MINDY3: variants seen among roughly 807,000 people sequenced by gnomAD.
The protein encoded by MINDY3 is MINDY lysine 48 deubiquitinase 3, also known as ubiquitin carboxyl-terminal hydrolase MINDY-3.
In MINDY3, 38 loss-of-function variants were observed where a neutral mutation model predicts 69.2. The ratio of observed to expected loss-of-function variants is 0.55; its 90% CI spans 0.42 to 0.72. The LOEUF is 0.72. MINDY3 is among the 30% of genes least tolerant of loss of function. The pLI is 0.00. For missense variants in MINDY3, 522 were observed against 519.0 expected, an observed-to-expected ratio of 1.01 and a Z score of -0.06; for synonymous variants, 192 against 180.1, an observed-to-expected ratio of 1.07 and a Z score of -0.53.
chr10:15,858,215 C>A (rs1308349993), intron 1 of MINDY3, among the ~76,000 whole-genome samples: 1 of 152,108 alleles, frequency 6.6e-6, no homozygotes, highest in Non-Finnish European at 1.5e-5. Context: ...TGAAGAGCTA[C>A]ATATCCAAAA....
chr10:15,787,330 A>G (rs1837048123), intron 12 of MINDY3, among the ~76,000 whole-genome samples: 1 of 152,156 alleles, frequency 6.6e-6, no homozygotes, highest in South Asian at 2.1e-4. Flanking sequence ...AAGGAAGAAG[A>G]AGGCAGAAGA....
At chr10:15,814,145 A>C (rs1839198448) in intron 10 of MINDY3, among the ~76,000 whole-genome samples, 1 of 152,282 alleles carries the variant, frequency 6.6e-6, no homozygotes, top group South Asian at 2.1e-4. Flanking sequence ...TATGAACATC[A>C]GTTTATATTT....
chr10:15,854,905 C>T (rs550042104), intron 1 of MINDY3, among the ~76,000 whole-genome samples: 2 of 152,162 alleles, frequency 1.3e-5, no homozygotes, highest in Admixed American at 1.3e-4. Flanking sequence ...AACCTAGGAA[C>T]AAGAGATGAA....
intron 2 of MINDY3, among the ~76,000 whole-genome samples, chr10:15,846,066 A>ACCTG (rs1564525870): frequency 7.0e-6 from 1 of 142,804 alleles, no homozygotes; most frequent in Non-Finnish European, 1.5e-5. Flanking sequence ...CAGGTGATCT[A>ACCTG]CCTGCCTCGG....
intron 5 of MINDY3, 22 bp from the exon 6 acceptor site, chr10:15,837,340 G>A (rs541618558): frequency 1.3e-6 from 2 of 1,518,708 alleles, no homozygotes; most frequent in East Asian, 4.5e-5. Context: ...AAAGAATTAA[G>A]TATTGGTATC....
rs1839777947 is a variant in MINDY3, at chr10:15,821,715, T to A, written c.742A>T (p.Ile248Leu). Residue 248 changes from isoleucine to leucine, a missense_variant, in exon 9 of 15, where the codon ATA becomes TTA. Ile to Leu is a conservative substitution (Grantham distance 5). Coordinates refer to ENST00000277632, the MANE Select transcript of MINDY3 (RefSeq NM_024948.4). ...AATCCTACTGCTGCTTGTTCATGTA[T>A]ACCAAGAAGTTCTGCAAAAAACAAC... ...RECSGMKLLG[I>L]HEQAAVGFLT... The A allele has an allele frequency of 1.2e-6, 2 of 1,611,944 alleles. No individual in the cohort carries two copies. Among genetic ancestry groups the A allele is most frequent in the Non-Finnish European group, 1.7e-6 (2 of 1,179,258 alleles).
rs11253650 is a variant in MINDY3, at chr10:15,797,914, T to C, written c.883-1742A>G. Among the ~76,000 whole-genome samples, 25 of 152,296 alleles carry C rather than the reference T, an allele frequency of 1.6e-4. No individual in the cohort carries two copies. In the East Asian group the frequency reaches 4.8e-3, roughly 29 times the overall value. On this transcript the variant is annotated intron_variant, in intron 10 of 14. Coordinates refer to ENST00000277632, the MANE Select transcript of MINDY3 (RefSeq NM_024948.4). ...TCCCTTAACTATTTCTAACACATTT[T>C]TCTTTTTCAATTGTCTCCGTTAGAC...
At chr10:15,781,083 A>C (rs1836492904) in intron 14 of MINDY3, among the ~76,000 whole-genome samples, 2 of 152,146 alleles carry the variant, frequency 1.3e-5, no homozygotes, top group African/African-American at 4.8e-5. Context: ...TAGATGAAGC[A>C]CTCATTCGCA....
At chr10:15,849,282 A>G (rs570355389) in intron 1 of MINDY3, among the ~76,000 whole-genome samples, 8 of 152,318 alleles carry the variant, frequency 5.3e-5, no homozygotes, top group Non-Finnish European at 1.2e-4. Context: ...ATGTTTATAA[A>G]TCAGAGAAAA....
At position 15,803,225 on chromosome 10, in the gene MINDY3, T is replaced by C. The variant is rs942813151; in HGVS notation, c.883-7053A>G. On this transcript the variant is annotated intron_variant, in intron 10 of 14. Transcript: ENST00000277632. ...AAAGTGTTTCATGTTGCAGTTCTTT[T>C]AACTCTGTAATTTTAATTCAAATTA... Among the ~76,000 whole-genome samples, 16 of 152,294 alleles carry C rather than the reference T, an allele frequency of 1.1e-4. 1 individual carries two copies. Among genetic ancestry groups the C allele is most frequent in the Non-Finnish European group, 2.9e-5 (2 of 67,994 alleles).
At chr10:15,793,165 T>G (rs752713023) in intron 11 of MINDY3, among the ~76,000 whole-genome samples, 1 of 152,114 alleles carries the variant, frequency 6.6e-6, no homozygotes, top group Non-Finnish European at 1.5e-5. Flanking sequence ...GAAGCACATA[T>G]CCAAACATTT....
At chr10:15,828,334 C>T (rs1040526163) in intron 8 of MINDY3, among the ~76,000 whole-genome samples, 3 of 152,070 alleles carry the variant, frequency 2.0e-5, no homozygotes, top group Admixed American at 1.3e-4. Context: ...GACCGGATAG[C>T]GTATGAGTCT....
At chr10:15,818,086 A>G (rs1839496379) in intron 9 of MINDY3, 1 of 152,180 alleles carries the variant, frequency 6.6e-6, no homozygotes, top group African/African-American at 2.4e-5. Flanking sequence ...TTTAGAGGTG[A>G]GCTGTGCAAG....
chr10:15,782,687 G>C (rs1307506225), intron 13 of MINDY3, among the ~76,000 whole-genome samples: 1 of 152,014 alleles, frequency 6.6e-6, no homozygotes, highest in Non-Finnish European at 1.5e-5. Flanking sequence ...TTAATTAGTG[G>C]TTTCTTTTCC....
At chr10:15,827,545 T>C (rs754899668) in intron 8 of MINDY3, among the ~76,000 whole-genome samples, 10 of 68,828 alleles carry the variant, frequency 1.5e-4, no homozygotes, top group Admixed American at 2.8e-4. Flanking sequence ...TCCGTCTCAA[T>C]AAATAAATAA....
intron 11 of MINDY3, among the ~76,000 whole-genome samples, chr10:15,792,690 C>CAACTT (rs1405374368): frequency 6.6e-6 from 1 of 151,456 alleles, no homozygotes; most frequent in Non-Finnish European, 1.5e-5. Flanking sequence ...CATATTTTAG[C>CAACTT]AACTTAACAA....
At chr10:15,845,961 T>C (rs948718296) in intron 2 of MINDY3, among the ~76,000 whole-genome samples, 1 of 151,684 alleles carries the variant, frequency 6.6e-6, no homozygotes, top group Non-Finnish European at 1.5e-5. Context: ...TAGCTGGGAT[T>C]ACAGGCGCCT....
intron 4 of MINDY3, among the ~76,000 whole-genome samples, chr10:15,839,154 G>A (rs1833293680): frequency 6.6e-6 from 1 of 151,646 alleles, no homozygotes; most frequent in African/African-American, 2.4e-5. Context: ...GGTGAGTTAA[G>A]AAAATTGATT....
intron 2 of MINDY3, among the ~76,000 whole-genome samples, chr10:15,843,715 G>T (rs1291401077): frequency 6.6e-6 from 1 of 152,044 alleles, no homozygotes; most frequent in Non-Finnish European, 1.5e-5. Flanking sequence ...AACACTATTA[G>T]AGTCATCACT....
Sources: allele counts gnomAD v4.1 joint callset (sites outside exome capture counted in the v4.1 genomes callset), GRCh38; gene constraint gnomAD v4.1.1; transcripts MANE v1.5; gene names NCBI Gene and HGNC (gene_info 2026-07-23, HGNC 2026-07-21).